RAB27A: variants seen among roughly 807,000 people sequenced by gnomAD.
The protein encoded by RAB27A is RAB27A, member RAS oncogene family.
In RAB27A, 17 loss-of-function variants were observed where a neutral mutation model predicts 20.8. The ratio of observed to expected loss-of-function variants is 0.82; its 90% CI spans 0.56 to 1.23. The LOEUF (loss-of-function observed/expected upper bound fraction) is 1.23, where lower values mean the gene tolerates loss of function less well. Among genes scored for constraint, RAB27A ranks in the 50% most tolerant of loss-of-function variants. The pLI, the probability that RAB27A is intolerant of heterozygous loss-of-function variation, is 0.00. For missense variants in RAB27A, 277 were observed against 266.7 expected (o/e 1.04, Z -0.27); for synonymous variants, 85 against 92.8 (o/e 0.92, Z 0.48).
rs190071228 is a variant in RAB27A at position 55,251,305 on chromosome 15, G to A, written c.-22-16349C>T. Among the ~76,000 whole-genome samples the A allele has an allele frequency of 6.6e-5, 10 of 152,278 alleles. No individual in the cohort carries two copies. In the East Asian group the frequency reaches 1.9e-3, roughly 29 times the overall value. ...TTAAGAGAATGAAAGAAGACCATAG[G>A]AAGAGTCTTGAGAACAACCATCATT... On this transcript the variant is annotated intron_variant, in intron 2 of 6. Transcript: ENST00000336787.
At chr15:55,276,319 A>G (rs1897872604) in intron 1 of RAB27A, among the ~76,000 whole-genome samples, 1 of 152,234 alleles carries the variant, frequency 6.6e-6, no homozygotes, top group Admixed American at 6.5e-5. Context: ...GTGACAATAC[A>G]GATAGGTGGA....
rs191695569 is a variant in RAB27A, at chr15:55,311,542, G to A, written c.-112+2497C>T. 6.3e-4 allele frequency among the ~76,000 whole-genome samples: 96 copies of A among 152,230 alleles called. No individual in the cohort carries two copies. In the East Asian group the frequency reaches 9.3e-3, roughly 15 times the overall value. On this transcript the variant is annotated intron_variant, in intron 2 of 5. Coordinates refer to the RAB27A transcript ENST00000563262. ...GGGAGGTAGACTCTGAGGGCTTCCC[G>A]TAGGGCATAAATCACACTTTTTACA...
chr15:55,205,885 G>C (rs928944503), intron 6 of RAB27A, among the ~76,000 whole-genome samples, 180 bp from the exon 7 acceptor site: 11 of 152,114 alleles, frequency 7.2e-5, no homozygotes, highest in Non-Finnish European at 1.3e-4. Context: ...TGCATTTCCA[G>C]TAGATATGCA....
At chr15:55,292,224 A>G (rs1308100923), upstream of RAB27A, among the ~76,000 whole-genome samples, 2 of 152,264 alleles carry the variant, frequency 1.3e-5, no homozygotes, top group South Asian at 2.1e-4. Flanking sequence ...ATATGCTAAT[A>G]GTTTTGACTA....
At chr15:55,241,932 AAGAT>A (rs1371135978) in intron 2 of RAB27A, among the ~76,000 whole-genome samples, 2 of 152,152 alleles carry the variant, frequency 1.3e-5, no homozygotes, top group African/African-American at 4.8e-5. Context: ...TTTAGGAAAT[AAGAT>A]AGAAGAGAGT....
chr15:55,216,625 G>A (rs2140936431), intron 6 of RAB27A, among the ~76,000 whole-genome samples: 1 of 151,856 alleles, frequency 6.6e-6, no homozygotes, highest in African/African-American at 2.4e-5. Context: ...TGTGTGTTGT[G>A]TGAAAAAAAA....
chr15:55,297,710 T>A lies in RAB27A; in HGVS notation c.-112+16329A>T, dbSNP rs187049175. Among the ~76,000 whole-genome samples the A allele has an allele frequency of 1.3e-3, 192 of 152,292 alleles. 1 individual carries two copies. Among genetic ancestry groups the A allele is most frequent in the Non-Finnish European group, 1.5e-3 (101 of 68,022 alleles). Reference sequence around the variant, plus strand: ...CCCACCCAGGGCCCTGCATTTTCATTTGTGCTGGGCCCCACAAATTACGCA... The same window carrying A: ...CCCACCCAGGGCCCTGCATTTTCATATGTGCTGGGCCCCACAAATTACGCA... On this transcript the variant is annotated intron_variant, in intron 2 of 5. Coordinates refer to the RAB27A transcript ENST00000563262.
chr15:55,242,413 CT>C (rs540255786), intron 2 of RAB27A, among the ~76,000 whole-genome samples: 86 of 152,188 alleles, frequency 5.7e-4, no homozygotes, highest in African/African-American at 1.9e-3. Flanking sequence ...AAGCCTTATT[CT>C]TTAAACTGTA....
chr15:55,279,792 C>T (rs1300714562), intron 1 of RAB27A, among the ~76,000 whole-genome samples: 1 of 152,180 alleles, frequency 6.6e-6, no homozygotes, highest in South Asian at 2.1e-4. Context: ...GAATAAATAT[C>T]ACCAAGGAAA....
intron 2 of RAB27A, chr15:55,238,297 T>G (rs1896344828): frequency 6.6e-6 from 1 of 152,180 alleles, no homozygotes; most frequent in Non-Finnish European, 1.5e-5. Flanking sequence ...ATGCCTATTC[T>G]ACCCCAAGCT....
At chr15:55,268,123 T>G (rs1897570275) in intron 2 of RAB27A, among the ~76,000 whole-genome samples, 1 of 151,626 alleles carries the variant, frequency 6.6e-6, no homozygotes, top group Non-Finnish European at 1.5e-5. Context: ...AATGCCCTCA[T>G]GAATAAACAC....
rs555478741 is a variant in RAB27A at position 55,313,220 on chromosome 15, A to G, written c.-112+819T>C. Among the ~76,000 whole-genome samples the G allele has an allele frequency of 3.9e-4, 60 of 152,348 alleles. 1 individual carries two copies. The highest frequency in any genetic ancestry group is 1.3e-3 in the African/African-American group (52 of 41,600). ...CGCTTGAGTCCAGGGGATTAAGACC[A>G]GACTAGGCCACAGAGTGAGACCCCA... On this transcript the variant is annotated intron_variant, in intron 2 of 5. Transcript: ENST00000563262.
intron 2 of RAB27A, among the ~76,000 whole-genome samples, chr15:55,266,824 C>G (rs1323661193): frequency 6.6e-6 from 1 of 152,226 alleles, no homozygotes; most frequent in Admixed American, 6.5e-5. Flanking sequence ...GTACGGTACA[C>G]AACCAGTTAA....
chr15:55,210,096 G>T, intron 6 of RAB27A, among the ~76,000 whole-genome samples: 1 of 144,090 alleles, frequency 6.9e-6, no homozygotes, highest in East Asian at 2.1e-4. Flanking sequence ...ACATATATGT[G>T]TGTATATATA....
intron 6 of RAB27A, among the ~76,000 whole-genome samples, chr15:55,209,035 T>C (rs1386634084): frequency 6.6e-6 from 1 of 152,206 alleles, no homozygotes; most frequent in Admixed American, 6.5e-5. Flanking sequence ...ATGCATAATA[T>C]AGTTTCAGAG....
chr15:55,283,648 C>T (rs1041017249), intron 1 of RAB27A, among the ~76,000 whole-genome samples: 3 of 152,042 alleles, frequency 2.0e-5, no homozygotes, highest in East Asian at 1.9e-4. Context: ...TGAAATGATG[C>T]GATTTATTAT....
At chr15:55,219,229 G>C (rs1288270248) in intron 6 of RAB27A, among the ~76,000 whole-genome samples, 5 of 151,992 alleles carry the variant, frequency 3.3e-5, no homozygotes, top group Admixed American at 1.3e-4. Flanking sequence ...CAATGCCAAG[G>C]TCCCTTCCCA....
rs542560053 is a variant in RAB27A, at chr15:55,215,579, G to C, written c.467+8310C>G. The stretch of plus-strand genomic sequence containing the variant: ...AGGCAGGAGAATGGCGTGAACCCGG[G>C]AAGCGGAGCTTGCAGTGAGCCGAGA... On this transcript the variant is annotated intron_variant, in intron 6 of 6. Coordinates refer to ENST00000336787, the MANE Select transcript of RAB27A (RefSeq NM_183235.3). 1.6e-4 allele frequency among the ~76,000 whole-genome samples: 23 copies of C among 147,166 alleles called. No homozygotes were observed. The South Asian group carries it at 4.7e-3, about 30-fold the overall frequency.
chr15:55,298,092 C>T (rs561840416), intron 2 of RAB27A, among the ~76,000 whole-genome samples: 6 of 151,696 alleles, frequency 4.0e-5, no homozygotes, highest in African/African-American at 1.5e-4. Flanking sequence ...GTAGTCACAG[C>T]TACTTGAGAG....
Sources: allele counts gnomAD v4.1 joint callset (sites outside exome capture counted in the v4.1 genomes callset), GRCh38; gene constraint gnomAD v4.1.1; transcripts MANE v1.5; gene names NCBI Gene and HGNC (gene_info 2026-07-23, HGNC 2026-07-21).